Variants in MARCHF1 observed in about 807,000 individuals in gnomAD.
MARCHF1 encodes membrane associated ring-CH-type finger 1.
A neutral mutation model predicts 54.2 loss-of-function variants in MARCHF1; 40 were observed. The observed-to-expected ratio is 0.74, with a 90% confidence interval of 0.57 to 0.96. The LOEUF is 0.96. MARCHF1 is among the 40% of genes least tolerant of loss of function. The pLI, the probability that MARCHF1 is intolerant of heterozygous loss-of-function variation, is 0.00. For synonymous variants in MARCHF1, 236 were observed against 236.3 expected, an observed-to-expected ratio of 1.00 and a Z score of 0.01; for missense variants, 586 against 656.5, an observed-to-expected ratio of 0.89 and a Z score of 1.17.
At chr4:164,287,417 C>T (rs1160883494) in intron 1 of MARCHF1, among the ~76,000 whole-genome samples, 2 of 152,108 alleles carry the variant, frequency 1.3e-5, no homozygotes, top group East Asian at 3.9e-4. Flanking sequence ...GTTGCCGTGT[C>T]GTAAGACATC....
chr4:163,906,144 C>G (rs1390619950), intron 3 of MARCHF1, among the ~76,000 whole-genome samples: 1 of 151,914 alleles, frequency 6.6e-6, no homozygotes, highest in African/African-American at 2.4e-5. Flanking sequence ...TTATTTAGTA[C>G]AGAAGTGTTA....
At chr4:163,604,412 G>A (rs1036332921) in intron 7 of MARCHF1, among the ~76,000 whole-genome samples, 4 of 152,074 alleles carry the variant, frequency 2.6e-5, no homozygotes, top group African/African-American at 9.7e-5. Context: ...TATGTAGTTC[G>A]TGACCAATTC....
intron 2 of MARCHF1, among the ~76,000 whole-genome samples, chr4:163,998,311 T>C (rs935948619): frequency 4.3e-4 from 65 of 151,570 alleles, no homozygotes; most frequent in Admixed American, 1.3e-3. Context: ...ACAATATTAA[T>C]AATCATATAG....
At chr4:163,972,168 G>C (rs896021223) in intron 3 of MARCHF1, among the ~76,000 whole-genome samples, 8 of 152,038 alleles carry the variant, frequency 5.3e-5, no homozygotes, top group African/African-American at 1.9e-4. Context: ...TGGACACAGG[G>C]AGGGGAACAT....
chr4:164,195,747 C>T (rs1198264793), intron 1 of MARCHF1, among the ~76,000 whole-genome samples: 1 of 152,106 alleles, frequency 6.6e-6, no homozygotes, highest in African/African-American at 2.4e-5. Flanking sequence ...CACATATGGT[C>T]CCTAGCTTGT....
chr4:164,058,308 A>C (rs1754539262), intron 2 of MARCHF1, among the ~76,000 whole-genome samples: 1 of 152,210 alleles, frequency 6.6e-6, no homozygotes, highest in African/African-American at 2.4e-5. Flanking sequence ...TCTTTGCAAC[A>C]TATCCTCTGA....
At chr4:164,048,342 T>C (rs6850456) in intron 2 of MARCHF1, among the ~76,000 whole-genome samples, 62,330 of 151,964 alleles carry the variant, frequency 0.41, 13,286 homozygotes, top group African/African-American at 0.51. Flanking sequence ...TGAAGCAAAT[T>C]GGACTGATTT....
intron 5 of MARCHF1, among the ~76,000 whole-genome samples, chr4:163,637,261 T>G (rs974190531): frequency 6.6e-6 from 1 of 152,030 alleles, no homozygotes; most frequent in Admixed American, 6.5e-5. Flanking sequence ...CTCATTAAAC[T>G]AAAGAGCTTC....
intron 1 of MARCHF1, among the ~76,000 whole-genome samples, chr4:164,251,296 G>A (rs1403816642): frequency 6.6e-6 from 1 of 152,110 alleles, no homozygotes; most frequent in East Asian, 1.9e-4. Flanking sequence ...TAATTATGCT[G>A]AGCAGATTCA....
chr4:163,662,535 C>A (rs947623431), intron 5 of MARCHF1, among the ~76,000 whole-genome samples: 2 of 151,976 alleles, frequency 1.3e-5, no homozygotes, highest in Non-Finnish European at 2.9e-5. Context: ...AGAATCTTCC[C>A]TTTCAGCCCT....
chr4:163,747,568 C>T (rs138492958), intron 4 of MARCHF1, among the ~76,000 whole-genome samples: 19 of 151,968 alleles, frequency 1.3e-4, no homozygotes, highest in African/African-American at 3.1e-4. Context: ...ACATAAATGA[C>T]GGGATTGAAT....
intron 4 of MARCHF1, among the ~76,000 whole-genome samples, chr4:163,812,783 AAACC>A (rs1748428266): frequency 1.3e-5 from 2 of 152,130 alleles, no homozygotes; most frequent in African/African-American, 4.8e-5. Context: ...AACAAAAAAC[AAACC>A]AAAAAACCTA....
intron 2 of MARCHF1, among the ~76,000 whole-genome samples, chr4:164,006,056 C>CGAGA (rs1753279274): frequency 6.6e-6 from 1 of 151,644 alleles, no homozygotes; most frequent in East Asian, 1.9e-4. Context: ...TGTATACCCA[C>CGAGA]GAGAAACAAA....
intron 2 of MARCHF1, among the ~76,000 whole-genome samples, chr4:164,085,983 A>T (rs989337501): frequency 6.6e-6 from 1 of 151,882 alleles, no homozygotes; most frequent in East Asian, 1.9e-4. Context: ...GGTTATAAGA[A>T]TTTATTACTT....
intron 1 of MARCHF1, chr4:164,188,719 C>T: frequency 9.5e-7 from 1 of 1,050,908 alleles, no homozygotes. Flanking sequence ...ACATCAAGTT[C>T]TTGCGGTTCA....
chr4:163,635,804 T>C (rs1222662388), intron 5 of MARCHF1, among the ~76,000 whole-genome samples: 1 of 152,146 alleles, frequency 6.6e-6, no homozygotes, highest in Non-Finnish European at 1.5e-5. Flanking sequence ...AAGAGAATTT[T>C]AGACCAATAT....
chr4:163,684,335 C>A (rs955073219), intron 5 of MARCHF1, among the ~76,000 whole-genome samples: 21 of 152,014 alleles, frequency 1.4e-4, no homozygotes, highest in African/African-American at 5.1e-4. Context: ...TATATGTTGC[C>A]CATGTCAGAA....
At position 164,105,249 on chromosome 4, in the gene MARCHF1, GA is replaced by G. The variant is rs544299558; in HGVS notation, c.-248+6338del. On this transcript the variant is annotated intron_variant, in intron 2 of 9. Transcript: ENST00000514618. ...CAAGCTACCAATGACTTTCTTCACA[GA>G]ATTGGAAAAAACTACTTTAAAGTTC... is the stretch of plus-strand genomic sequence containing the variant. Among the ~76,000 whole-genome samples, 211 of 91,088 alleles carry G rather than the reference GA, an allele frequency of 2.3e-3. 1 individual carries two copies. Among genetic ancestry groups the G allele is most frequent in the African/African-American group, 7.2e-3 (194 of 26,780 alleles). 59.8% of individuals were successfully genotyped at this position (91,088 alleles called of 152,430 possible). A position where few individuals can be genotyped will look rare whatever the true frequency, so the allele number is the denominator to read the frequency against.
intron 5 of MARCHF1, among the ~76,000 whole-genome samples, chr4:163,675,935 A>C (rs892928909): frequency 7.2e-4 from 110 of 152,168 alleles, no homozygotes; most frequent in African/African-American, 2.3e-3. Context: ...ACAAACAAAC[A>C]AACAAAGATG....
Sources: allele counts gnomAD v4.1 joint callset (sites outside exome capture counted in the v4.1 genomes callset), GRCh38; gene constraint gnomAD v4.1.1; transcripts MANE v1.5; gene names NCBI Gene and HGNC (gene_info 2026-07-23, HGNC 2026-07-21).